Variants in CR1 observed in about 807,000 individuals in gnomAD.
CR1 encodes complement C3b/C4b receptor 1 (Knops blood group), also known as complement receptor type 1.
In CR1, 116 loss-of-function variants were observed where a neutral mutation model predicts 187.3. That is an observed-to-expected ratio of 0.62 (90% confidence interval 0.53 to 0.72). The LOEUF is 0.72. Among genes scored for constraint, CR1 ranks in the 30% least tolerant of loss-of-function variants. The pLI is 0.00. For missense variants in CR1, 1,731 were observed against 2,110.7 expected (o/e 0.82, Z 3.52); for synonymous variants, 576 against 747.1 (o/e 0.77, Z 3.73).
intron 46 of CR1, among the ~76,000 whole-genome samples, chr1:207,631,285 A>G (rs1662638392): frequency 1.3e-5 from 2 of 152,210 alleles, no homozygotes; most frequent in South Asian, 2.1e-4. Context: ...CTAGTACACC[A>G]GGGACCTGAA....
chr1:207,505,448 G>A (rs989298581), intron 1 of CR1, among the ~76,000 whole-genome samples: 1 of 152,098 alleles, frequency 6.6e-6, no homozygotes, highest in African/African-American at 2.4e-5. Flanking sequence ...ACAGGCATGA[G>A]CCACCACTCC....
At chr1:207,637,625 C>G (rs1163065658) in intron 46 of CR1, among the ~76,000 whole-genome samples, 1 of 152,242 alleles carries the variant, frequency 6.6e-6, no homozygotes, top group Admixed American at 6.5e-5. Flanking sequence ...GGTGCTCTCC[C>G]TAGGCAGATA....
chr1:207,629,159 T>C (rs1257546234), intron 45 of CR1, among the ~76,000 whole-genome samples: 1 of 152,218 alleles, frequency 6.6e-6, no homozygotes, highest in Non-Finnish European at 1.5e-5. Flanking sequence ...TTATTGCCTC[T>C]TGTTACTGCC....
At chr1:207,599,260 T>C (rs530457266) in intron 35 of CR1, among the ~76,000 whole-genome samples, 2 of 152,208 alleles carry the variant, frequency 1.3e-5, no homozygotes, top group South Asian at 4.2e-4. Flanking sequence ...GCAAAAAAGC[T>C]CAACTTCACT....
intron 46 of CR1, among the ~76,000 whole-genome samples, chr1:207,630,880 C>T (rs1365731807): frequency 1.3e-5 from 2 of 152,090 alleles, no homozygotes; most frequent in Non-Finnish European, 2.9e-5. Flanking sequence ...TGTATTTATG[C>T]TATGAAACTT....
rs114394022 is a variant in CR1 at position 207,508,115 on chromosome 1, A to G, written c.401+1302A>G. Among the ~76,000 whole-genome samples, 1,001 of 152,360 alleles carry G rather than the reference A, an allele frequency of 6.6e-3. 5 individuals are homozygous for G. Among genetic ancestry groups the G allele is most frequent in the Non-Finnish European group, 8.3e-3 (567 of 68,040 alleles). On this transcript the variant is annotated intron_variant, in intron 3 of 46. Transcript: ENST00000367049. Reference sequence around the variant, plus strand: ...AGGCAAAACTATGGAGACAGTGAAAATATCAGTGGTTGTCAGGGGTTAGGG... The same window carrying G: ...AGGCAAAACTATGGAGACAGTGAAAGTATCAGTGGTTGTCAGGGGTTAGGG...
intron 35 of CR1, among the ~76,000 whole-genome samples, chr1:207,603,813 C>G (rs1269101164): frequency 1.3e-5 from 2 of 152,152 alleles, no homozygotes; most frequent in Non-Finnish European, 2.9e-5. Flanking sequence ...CGCATTTCAA[C>G]TGTTAGCAAA....
intron 23 of CR1, 143 bp from the exon 24 acceptor site, chr1:207,565,695 C>G: frequency 9.2e-7 from 1 of 1,085,598 alleles, no homozygotes; most frequent in South Asian, 1.4e-5. Context: ...TGTGATTTTT[C>G]CAGAATAAGG....
intron 46 of CR1, among the ~76,000 whole-genome samples, chr1:207,634,952 T>C (rs1662767668): frequency 6.6e-6 from 1 of 152,218 alleles, no homozygotes; most frequent in Admixed American, 6.5e-5. Flanking sequence ...AGAACACTTT[T>C]TCTTTGGACA....
At position 207,623,911 on chromosome 1, in the gene CR1, CTTTTTTTTTTTT is replaced by C. The variant is rs71154830; in HGVS notation, c.7352+864_7352+875del. Among the ~76,000 whole-genome samples, 10 of 52,452 alleles carry C rather than the reference CTTTTTTTTTTTT, an allele frequency of 1.9e-4. No homozygotes were observed. The East Asian group carries it at 4.8e-3, about 25-fold the overall frequency. The allele number at this position is 52,452 out of a possible 152,430, so 34.4% of individuals were successfully genotyped here. On this transcript the variant is annotated intron_variant, in intron 45 of 46. Transcript: ENST00000367049. Reference sequence around the variant, plus strand: ...ACAAATATTTTGTAAACACCATTAACTTTTTTTTTTTTTTTTTTTTTTTTTTTTTTTTAAGAC... The same window carrying C: ...ACAAATATTTTGTAAACACCATTAACTTTTTTTTTTTTTTTTTTTTAAGAC...
chr1:207,630,622 G>A lies in CR1; in HGVS notation c.7457+1G>A. 6.3e-7 allele frequency: 1 copy of A among 1,581,726 alleles called. No homozygotes were observed. Among genetic ancestry groups the A allele is most frequent in the Non-Finnish European group, 8.6e-7 (1 of 1,163,180 alleles). ...TGCAAACAAATGAAGAAAATAGCAG[G>A]TACCTATATACATACTGAATTCAAA... On this transcript the variant is annotated splice_donor_variant, in intron 46 of 46. Coordinates refer to ENST00000367049, the MANE Select transcript of CR1 (RefSeq NM_000651.6). LOFTEE classifies it high-confidence loss of function.
Position 207,526,858 on chromosome 1 carries a change from A to T in CR1, c.992A>T (p.Asp331Val). Residue 331 changes from aspartate (D) to valine (V), a missense_variant, in exon 6 of 47, where the codon GAC becomes GTC. Coordinates refer to ENST00000367049, the MANE Select transcript of CR1 (RefSeq NM_000651.6). ...EVFYSCEPGY[D>V]LRGAASMRCT... ...TTCTACAGCTGTGAGCCCGGCTACG[A>T]CCTCAGAGGGGCTGCGTCTATGCGC... 1 of 1,495,252 alleles carries T rather than the reference A, an allele frequency of 6.7e-7. No homozygotes were observed. Among genetic ancestry groups the T allele is most frequent in the Non-Finnish European group, 8.9e-7 (1 of 1,128,886 alleles). The allele number at this position is 1,495,252 out of a possible 1,614,324, so 92.6% of individuals were successfully genotyped here. A position where few individuals can be genotyped will look rare whatever the true frequency, so the allele number is the denominator to read the frequency against.
chr1:207,609,350 C>A lies in CR1; in HGVS notation c.5957C>A (p.Thr1986Lys). Residue 1986 changes from threonine to lysine, a missense_variant, in exon 37 of 47, where the codon ACA (threonine) becomes AAA (lysine). Transcript: ENST00000367049. Reference protein sequence around the residue: ...SNGDFYSNNRTSFHNGTVVTY... With the variant: ...SNGDFYSNNRKSFHNGTVVTY... Reference sequence around the variant, plus strand: ...GGAGACTTCTACAGCAACAATAGAACATCTTTTCACAATGGAACGGTGGTA... The same window carrying A: ...GGAGACTTCTACAGCAACAATAGAAAATCTTTTCACAATGGAACGGTGGTA... 1 of 1,613,976 alleles carries A rather than the reference C, an allele frequency of 6.2e-7. No individual in the cohort carries two copies. The highest frequency in any genetic ancestry group is 2.2e-5 in the East Asian group (1 of 44,888).
intron 4 of CR1, among the ~76,000 whole-genome samples, chr1:207,518,879 C>T (rs1158025040): frequency 6.6e-6 from 1 of 152,180 alleles, no homozygotes; most frequent in Non-Finnish European, 1.5e-5. Context: ...GAGATCAGGA[C>T]ACAGATATTT....
chr1:207,616,450 G>T lies in CR1; in HGVS notation c.6662-125G>T, dbSNP rs916167998. On this transcript the variant is annotated intron_variant, in intron 40 of 46. Transcript: ENST00000367049. Reference sequence around the variant, plus strand: ...CAAAAGCCTTACAGATTTAAATTCCGTCTACCTTAGTTATATTCTTTCTAA... The same window carrying T: ...CAAAAGCCTTACAGATTTAAATTCCTTCTACCTTAGTTATATTCTTTCTAA... 6.8e-6 allele frequency: 8 copies of T among 1,181,268 alleles called. No homozygotes were observed. In the Admixed American group the frequency reaches 1.4e-4, roughly 21 times the overall value. 73.2% of individuals were successfully genotyped at this position (1,181,268 alleles called of 1,614,324 possible). A position where few individuals can be genotyped will look rare whatever the true frequency, so the allele number is the denominator to read the frequency against.
intron 45 of CR1, among the ~76,000 whole-genome samples, chr1:207,629,951 A>T (rs1030722708): frequency 6.6e-6 from 1 of 152,236 alleles, no homozygotes; most frequent in Non-Finnish European, 1.5e-5. Flanking sequence ...CTCATTTATG[A>T]TGCATGTCAG....
At chr1:207,497,140 AG>A (rs1659113632) in intron 1 of CR1, among the ~76,000 whole-genome samples, 1 of 152,248 alleles carries the variant, frequency 6.6e-6, no homozygotes, top group Non-Finnish European at 1.5e-5. Flanking sequence ...TAGAAGAGCA[AG>A]GGAAGCCCCA....
At chr1:207,614,544 C>T (rs1662039408) in intron 40 of CR1, 55 bp downstream of exon 40, 18 of 1,420,402 alleles carry the variant, frequency 1.3e-5, no homozygotes, top group Non-Finnish European at 1.7e-5. Context: ...CGTTTTCCAG[C>T]ATGTTTTTCC....
At chr1:207,576,754 A>G (rs1660758262) in intron 28 of CR1, among the ~76,000 whole-genome samples, 1 of 152,130 alleles carries the variant, frequency 6.6e-6, no homozygotes, top group African/African-American at 2.4e-5. Flanking sequence ...AGAGAGGTCG[A>G]GGCTGCAATG....
Sources: gnomAD v4.1 joint callset for allele counts (sites outside exome capture counted in the v4.1 genomes callset) on GRCh38, gnomAD v4.1.1 for gene constraint, MANE v1.5 for transcripts, NCBI Gene and HGNC (gene_info 2026-07-23, HGNC 2026-07-21) for gene names.